The following FMN1 variants were observed in gnomAD, a reference collection of about 807,000 sequenced individuals.
FMN1 encodes formin-1.
A neutral mutation model predicts 132.4 loss-of-function variants in FMN1; 110 were observed. The observed-to-expected ratio is 0.83, with a 90% confidence interval of 0.71 to 0.97. The LOEUF (loss-of-function observed/expected upper bound fraction) is 0.97. Among genes scored for constraint, FMN1 ranks in the 50% least tolerant of loss-of-function variants. The pLI is 0.00. For synonymous variants in FMN1, 722 were observed against 651.7 expected (o/e 1.11, Z -1.64); for missense variants, 1,792 against 1,705.3 (o/e 1.05, Z -0.90).
chr15:32,821,108 T>TTTTTTTTTTTTTTTTTGAGACGG (rs1229243106), intron 17 of FMN1, among the ~76,000 whole-genome samples: 1 of 150,636 alleles, frequency 6.6e-6, no homozygotes, highest in Non-Finnish European at 1.5e-5. Context: ...ACAGATTTTC[T>TTTTTTTTTTTTTTTTTGAGACGG]AAGATACAAT....
At chr15:32,974,440 C>G (rs937435234) in intron 7 of FMN1, among the ~76,000 whole-genome samples, 6 of 152,172 alleles carry the variant, frequency 3.9e-5, no homozygotes, top group Admixed American at 2.0e-4. Flanking sequence ...AAGAAAGATT[C>G]AAACTTACTA....
chr15:32,851,761 CATCT>C (rs1257628910), intron 17 of FMN1, among the ~76,000 whole-genome samples: 1 of 152,172 alleles, frequency 6.6e-6, no homozygotes, highest in African/African-American at 2.4e-5. Flanking sequence ...GCATCATCTC[CATCT>C]GAGTGTGGCA....
chr15:32,816,301 A>G (rs1397652993), intron 17 of FMN1, among the ~76,000 whole-genome samples: 1 of 152,232 alleles, frequency 6.6e-6, no homozygotes, highest in African/African-American at 2.4e-5. Flanking sequence ...AAAATTATAA[A>G]TAAAGAATAT....
chr15:33,012,176 G>C, intron 6 of FMN1: 2 of 559,544 alleles, frequency 3.6e-6, no homozygotes, highest in Admixed American at 2.5e-5. Flanking sequence ...CTCCTCATCA[G>C]AGGGTTGGGC....
chr15:32,839,295 C>G (rs1447582825), intron 17 of FMN1, among the ~76,000 whole-genome samples: 1 of 152,126 alleles, frequency 6.6e-6, no homozygotes, highest in African/African-American at 2.4e-5. Context: ...ACGTAAAAGT[C>G]TCAACCACGG....
chr15:33,110,929 A>G (rs1239451729), intron 4 of FMN1, among the ~76,000 whole-genome samples: 2 of 152,084 alleles, frequency 1.3e-5, no homozygotes, highest in African/African-American at 2.4e-5. Context: ...ACTCCTTTAC[A>G]TTTTTCAAGA....
chr15:33,003,533 A>C (rs1210014576), intron 7 of FMN1, among the ~76,000 whole-genome samples: 1 of 152,240 alleles, frequency 6.6e-6, no homozygotes, highest in Admixed American at 6.5e-5. Flanking sequence ...ACCACTGCTC[A>C]ATGAAATAAA....
intron 17 of FMN1, among the ~76,000 whole-genome samples, chr15:32,831,857 T>C (rs2058510940): frequency 6.6e-6 from 1 of 152,114 alleles, no homozygotes; most frequent in Non-Finnish European, 1.5e-5. Context: ...TTTGAATATT[T>C]GCAAAGAAAG....
At chr15:33,093,903 G>A (rs778213643) in intron 4 of FMN1, among the ~76,000 whole-genome samples, 3 of 152,142 alleles carry the variant, frequency 2.0e-5, no homozygotes, top group Non-Finnish European at 4.4e-5. Flanking sequence ...ATTTACAGTT[G>A]GAAAGAATCT....
intron 9 of FMN1, among the ~76,000 whole-genome samples, chr15:32,932,752 C>CTAT (rs1297978760): frequency 5.1e-4 from 77 of 152,260 alleles, no homozygotes; most frequent in African/African-American, 1.8e-3. Context: ...AGGAATTGAT[C>CTAT]TATTTCTCCT....
At chr15:33,052,467 C>G (rs2037021225) in intron 6 of FMN1, among the ~76,000 whole-genome samples, 1 of 152,224 alleles carries the variant, frequency 6.6e-6, no homozygotes, top group Non-Finnish European at 1.5e-5. Flanking sequence ...AGTTACTTCA[C>G]CTGTCTGATG....
chr15:32,787,566 T>C (rs1300867219), intron 19 of FMN1, among the ~76,000 whole-genome samples: 2 of 152,272 alleles, frequency 1.3e-5, no homozygotes, highest in East Asian at 3.9e-4. Flanking sequence ...TAAAAGTTAT[T>C]CCAGTTGGGC....
chr15:33,177,464 T>G (rs1034401684), intron 3 of FMN1, among the ~76,000 whole-genome samples: 1 of 152,208 alleles, frequency 6.6e-6, no homozygotes, highest in Non-Finnish European at 1.5e-5. Context: ...AGTACTCTTG[T>G]GCAAGTCACT....
At chr15:33,104,342 T>C (rs1303062946) in intron 4 of FMN1, among the ~76,000 whole-genome samples, 4 of 152,190 alleles carry the variant, frequency 2.6e-5, no homozygotes, top group Non-Finnish European at 4.4e-5. Flanking sequence ...AAGTGGACTT[T>C]CTTGCCAAAT....
intron 7 of FMN1, among the ~76,000 whole-genome samples, chr15:32,985,507 C>A (rs541302956): frequency 1.3e-5 from 2 of 152,112 alleles, no homozygotes; most frequent in South Asian, 4.2e-4. Flanking sequence ...CTATAGTGCC[C>A]ACGACTACTG....
intron 3 of FMN1, among the ~76,000 whole-genome samples, chr15:33,166,731 A>G (rs772618217): frequency 2.0e-5 from 3 of 152,184 alleles, no homozygotes; most frequent in Non-Finnish European, 2.9e-5. Context: ...TCTTCATCTT[A>G]ATCCAGCGTT....
Position 33,043,676 on chromosome 15 carries a change from G to C in FMN1, c.2161+21281C>G, listed in dbSNP as rs370643482. On this transcript the variant is annotated intron_variant, in intron 6 of 20. Coordinates refer to ENST00000616417, the MANE Select transcript of FMN1 (RefSeq NM_001277313.2). ...AAGCAAGGTACTGATGGCAGCGGCG[G>C]CCTATATGGAGCGGCCACTGCCATG... Among the ~76,000 whole-genome samples, 30 of 152,352 alleles carry C rather than the reference G, an allele frequency of 2.0e-4. No individual in the cohort carries two copies. The East Asian group carries it at 2.3e-3, about 12-fold the overall frequency.
chr15:32,975,938 T>G (rs768299077), intron 7 of FMN1, among the ~76,000 whole-genome samples: 2 of 152,066 alleles, frequency 1.3e-5, no homozygotes, highest in African/African-American at 2.4e-5. Flanking sequence ...GAACACACTG[T>G]ACTAAAACCC....
intron 15 of FMN1, among the ~76,000 whole-genome samples, chr15:32,898,395 T>C (rs1379362590): frequency 1.3e-5 from 2 of 152,224 alleles, no homozygotes; most frequent in Admixed American, 1.3e-4. Context: ...GCAGAAAAGA[T>C]GGATTTTTCA....
Sources: gnomAD v4.1 joint callset for allele counts (sites outside exome capture counted in the v4.1 genomes callset) on GRCh38, gnomAD v4.1.1 for gene constraint, MANE v1.5 for transcripts, NCBI Gene and HGNC (gene_info 2026-07-23, HGNC 2026-07-21) for gene names.